RUNX1: variants seen among roughly 807,000 people sequenced by gnomAD.
RUNX1 encodes the protein RUNX family transcription factor 1.
In RUNX1, 19 loss-of-function variants were observed where a neutral mutation model predicts 42.8. The ratio of observed to expected loss-of-function variants is 0.44; its 90% CI spans 0.31 to 0.65. RUNX1 has a LOEUF of 0.65. RUNX1 is among the 30% of genes least tolerant of loss of function. The pLI, the probability that RUNX1 is intolerant of heterozygous loss-of-function variation, is 0.07. For missense variants in RUNX1, 528 were observed against 672.0 expected, an observed-to-expected ratio of 0.79 and a Z score of 2.37; for synonymous variants, 271 against 289.4, an observed-to-expected ratio of 0.94 and a Z score of 0.64.
intron 2 of RUNX1, among the ~76,000 whole-genome samples, chr21:35,040,442 G>A (rs1050347994): frequency 2.0e-5 from 3 of 152,058 alleles, no homozygotes; most frequent in Non-Finnish European, 4.4e-5. Context: ...CTTGAGCAAT[G>A]AGTGCCACTC....
rs2056939555 is a variant in RUNX1 at position 34,823,436 on chromosome 21, T to TTTTTTTTG, written c.805+10973_805+10974insCAAAAAAA. On this transcript the variant is annotated intron_variant, in intron 7 of 8. Transcript: ENST00000675419. ...CCATTTCCATTCCTGGTGGGTTTTT[T>TTTTTTTTG]TTTTTTTTTTTTTTTTTTTTTTTTC... 5.1e-4 allele frequency among the ~76,000 whole-genome samples: 5 copies of TTTTTTTTG among 9,814 alleles called. No individual in the cohort carries two copies. In the Non-Finnish European group the frequency reaches 6.0e-3, roughly 12 times the overall value. The allele number at this position is 9,814 out of a possible 152,430, so 6.4% of individuals were successfully genotyped here.
chr21:34,897,872 G>A (rs58942160), intron 2 of RUNX1, among the ~76,000 whole-genome samples: 1 of 152,168 alleles, frequency 6.6e-6, no homozygotes, highest in East Asian at 1.9e-4. Context: ...TGGAAAAAAA[G>A]AGATTTTTTT....
intron 6 of RUNX1, among the ~76,000 whole-genome samples, chr21:34,857,575 G>T (rs752375253): frequency 2.0e-5 from 3 of 152,172 alleles, no homozygotes; most frequent in Non-Finnish European, 4.4e-5. Context: ...TCCCAGAGAC[G>T]GCTGTTGCTT....
chr21:34,966,772 G>T (rs899223645), intron 2 of RUNX1, among the ~76,000 whole-genome samples: 1 of 152,100 alleles, frequency 6.6e-6, no homozygotes, highest in Non-Finnish European at 1.5e-5. Flanking sequence ...CGCCATAAAA[G>T]AATTGTAGTA....
At chr21:34,859,387 A>C in intron 6 of RUNX1, 87 bp downstream of exon 6, 1 of 1,092,322 alleles carries the variant, frequency 9.2e-7, no homozygotes, top group Non-Finnish European at 1.4e-6. Flanking sequence ...GTTGAACCCA[A>C]GGAATCTGAG....
At position 35,005,864 on chromosome 21, in the gene RUNX1, G is replaced by A. The variant is rs183476631; in HGVS notation, c.58+42978C>T. ...ATTATGTGATTTTCCTGCCACATTT[G>A]CAGGTGTGCCTCATGGCCTTGACAC... On this transcript the variant is annotated intron_variant, in intron 2 of 8. Coordinates refer to ENST00000675419, the MANE Select transcript of RUNX1 (RefSeq NM_001754.5). 2.2e-3 allele frequency among the ~76,000 whole-genome samples: 333 copies of A among 152,328 alleles called. 3 individuals are homozygous for A. Among genetic ancestry groups the A allele is most frequent in the Admixed American group, 0.015 (237 of 15,302 alleles).
chr21:34,949,513 G>C (rs2058590673), intron 2 of RUNX1, among the ~76,000 whole-genome samples: 1 of 152,230 alleles, frequency 6.6e-6, no homozygotes, highest in South Asian at 2.1e-4. Flanking sequence ...GTTTGGCTGA[G>C]GAATGGTTAA....
chr21:34,917,306 A>G (rs1219005719), intron 2 of RUNX1, among the ~76,000 whole-genome samples: 1 of 152,224 alleles, frequency 6.6e-6, no homozygotes, highest in African/African-American at 2.4e-5. Flanking sequence ...AGACAGGGTG[A>G]AAGAGGACAC....
At chr21:34,848,080 A>T (rs2057342825) in intron 6 of RUNX1, among the ~76,000 whole-genome samples, 1 of 152,220 alleles carries the variant, frequency 6.6e-6, no homozygotes, top group Non-Finnish European at 1.5e-5. Flanking sequence ...ATATTTAAGG[A>T]ACACTTCTGT....
intron 7 of RUNX1, among the ~76,000 whole-genome samples, chr21:34,831,117 A>T (rs1043566159): frequency 2.0e-5 from 3 of 152,182 alleles, no homozygotes; most frequent in African/African-American, 7.2e-5. Flanking sequence ...TTTTGAAATA[A>T]ATTAAAAAAG....
intron 2 of RUNX1, among the ~76,000 whole-genome samples, chr21:34,957,900 A>G (rs937821384): frequency 1.1e-4 from 17 of 152,140 alleles, no homozygotes; most frequent in African/African-American, 4.1e-4. Flanking sequence ...ATGGGGCAGG[A>G]TGTCTGTCCC....
At chr21:34,881,993 C>T (rs1446463098) in intron 4 of RUNX1, among the ~76,000 whole-genome samples, 1 of 152,200 alleles carries the variant, frequency 6.6e-6, no homozygotes, top group African/African-American at 2.4e-5. Context: ...TTATATTACT[C>T]ATTCCAATTA....
In RUNX1 at chr21:34,864,031, G is replaced by T. The variant is rs148600427; in HGVS notation, c.509-4453C>A. ...CCACAGCACGAAAACTGCCTTACAC[G>T]TCCTTTGTATTCTTCCAATGAGACC... On this transcript the variant is annotated intron_variant, in intron 5 of 8. Transcript: ENST00000675419. Among the ~76,000 whole-genome samples, 183 of 152,276 alleles carry T rather than the reference G, an allele frequency of 1.2e-3. 1 individual carries two copies. The highest frequency in any genetic ancestry group is 4.2e-3 in the African/African-American group (174 of 41,560).
intron 2 of RUNX1, among the ~76,000 whole-genome samples, chr21:34,895,688 T>G (rs1426431503): frequency 6.6e-6 from 1 of 151,794 alleles, no homozygotes; most frequent in African/African-American, 2.4e-5. Flanking sequence ...TCCAGTACAG[T>G]TGGGGCATAG....
chr21:34,799,193 A>C, intron 8 of RUNX1, 108 bp downstream of exon 8: 1 of 1,232,212 alleles, frequency 8.1e-7, no homozygotes, highest in Non-Finnish European at 1.2e-6. Flanking sequence ...GGTCACCTTT[A>C]AACCATGTTT....
At chr21:35,043,810 C>T (rs1269794131) in intron 2 of RUNX1, among the ~76,000 whole-genome samples, 2 of 152,156 alleles carry the variant, frequency 1.3e-5, no homozygotes, top group Non-Finnish European at 2.9e-5. Flanking sequence ...TCAAAGCTAC[C>T]TTCATGTCTG....
intron 2 of RUNX1, among the ~76,000 whole-genome samples, chr21:34,969,279 A>C (rs1284177735): frequency 6.6e-6 from 1 of 152,148 alleles, no homozygotes; most frequent in Non-Finnish European, 1.5e-5. Context: ...AAAAATGCGC[A>C]TAGAGCAGGG....
intron 5 of RUNX1, among the ~76,000 whole-genome samples, chr21:34,864,794 C>T (rs139100505): frequency 1.2e-3 from 177 of 152,254 alleles, no homozygotes; most frequent in African/African-American, 3.8e-3. Context: ...AAGCACCAAA[C>T]GACACTCATA....
chr21:34,870,752 G>A (rs2057724983), intron 5 of RUNX1, among the ~76,000 whole-genome samples: 1 of 152,168 alleles, frequency 6.6e-6, no homozygotes, highest in African/African-American at 2.4e-5. Flanking sequence ...GAGGTCAAGA[G>A]ATCGAGACCA....
Sources: gnomAD v4.1 joint callset for allele counts (sites outside exome capture counted in the v4.1 genomes callset) on GRCh38, gnomAD v4.1.1 for gene constraint, MANE v1.5 for transcripts, NCBI Gene and HGNC (gene_info 2026-07-23, HGNC 2026-07-21) for gene names.